Variants in PCED1B observed in about 807,000 individuals in gnomAD.
PCED1B encodes PC-esterase domain-containing protein 1B.
For synonymous variants in PCED1B, 251 were observed against 246.1 expected (o/e 1.02, Z -0.19); for missense variants, 573 against 573.9 (o/e 1.00, Z 0.02).
intron 3 of PCED1B, among the ~76,000 whole-genome samples, chr12:47,230,694 G>T (rs533578274): frequency 1.3e-5 from 2 of 152,008 alleles, no homozygotes; most frequent in Admixed American, 6.6e-5. Flanking sequence ...CACCTGCCTC[G>T]GCCTCTCAAA....
chr12:47,219,178 A>T (rs561126471), intron 3 of PCED1B, among the ~76,000 whole-genome samples: 3 of 152,280 alleles, frequency 2.0e-5, no homozygotes, highest in South Asian at 4.1e-4. Context: ...TTCCATAGAA[A>T]CACTATTACA....
chr12:47,157,168 A>T (rs1304866947), intron 2 of PCED1B, among the ~76,000 whole-genome samples: 1 of 152,186 alleles, frequency 6.6e-6, no homozygotes, highest in Non-Finnish European at 1.5e-5. Context: ...GTTTCTCTAT[A>T]TAATTTTTCC....
intron 2 of PCED1B, among the ~76,000 whole-genome samples, chr12:47,119,081 C>G (rs2137297590): frequency 6.6e-6 from 1 of 152,176 alleles, no homozygotes; most frequent in Admixed American, 6.5e-5. Context: ...GAAATAAATC[C>G]ACATGCCTAT....
intron 2 of PCED1B, among the ~76,000 whole-genome samples, chr12:47,151,136 T>TAC (rs112484470): frequency 6.0e-4 from 90 of 150,374 alleles, no homozygotes; most frequent in South Asian, 3.1e-3. Flanking sequence ...ATATAATATA[T>TAC]ACACACACAC....
chr12:47,117,806 T>TC (rs1157164984), intron 2 of PCED1B, among the ~76,000 whole-genome samples: 3 of 152,194 alleles, frequency 2.0e-5, no homozygotes, highest in Non-Finnish European at 2.9e-5. Context: ...TAGCTTATAG[T>TC]CCCACCAACA....
intron 2 of PCED1B, among the ~76,000 whole-genome samples, chr12:47,158,569 T>C (rs1941269794): frequency 6.6e-6 from 1 of 152,194 alleles, no homozygotes; most frequent in Admixed American, 6.5e-5. Context: ...ATCAGATATA[T>C]CATTTGCAAA....
intron 2 of PCED1B, chr12:47,210,196 G>A (rs989383609): frequency 2.0e-5 from 3 of 152,220 alleles, no homozygotes; most frequent in African/African-American, 7.2e-5. Context: ...TTTACTGTTA[G>A]CTATTTTTGT....
chr12:47,217,599 T>A (rs1432942483), intron 3 of PCED1B, among the ~76,000 whole-genome samples: 1 of 152,150 alleles, frequency 6.6e-6, no homozygotes, highest in Admixed American at 6.5e-5. Flanking sequence ...TTTTTTGTGA[T>A]GGAGTCTCAC....
intron 2 of PCED1B, among the ~76,000 whole-genome samples, chr12:47,181,763 C>T (rs1298087432): frequency 6.6e-6 from 1 of 151,464 alleles, no homozygotes; most frequent in East Asian, 1.9e-4. Flanking sequence ...TTTATCTCCT[C>T]TACTGAAAAA....
Position 47,235,623 on chromosome 12 carries a change from C to T in PCED1B, c.560C>T (p.Thr187Ile), listed in dbSNP as rs759651168. The T allele has an allele frequency of 1.8e-5, 29 of 1,610,202 alleles. No homozygotes were observed. Among genetic ancestry groups the T allele is most frequent in the Non-Finnish European group, 2.2e-5 (26 of 1,178,170 alleles). ...LPPKLRRQKA[T>I]FLKNEVVKAN... ...CCCAAGCTCCGGCGGCAGAAGGCCA[C>T]CTTCCTGAAAAACGAAGTGGTCAAA... Residue 187 changes from threonine (T) to isoleucine (I), a missense_variant, in exon 4 of 4, where the codon ACC becomes ATC. Physicochemically the swap from Thr to Ile is moderately conservative, Grantham distance 89. Coordinates refer to ENST00000546455, the MANE Select transcript of PCED1B (RefSeq NM_138371.3).
chr12:47,120,596 G>A (rs2137304496), intron 2 of PCED1B, among the ~76,000 whole-genome samples: 1 of 152,244 alleles, frequency 6.6e-6, no homozygotes, highest in African/African-American at 2.4e-5. Flanking sequence ...GGGGTCAGGA[G>A]TTCAAGACCA....
intron 2 of PCED1B, among the ~76,000 whole-genome samples, chr12:47,174,804 A>G (rs1941871065): frequency 6.6e-6 from 1 of 152,170 alleles, no homozygotes; most frequent in Non-Finnish European, 1.5e-5. Flanking sequence ...GAGAGATGCA[A>G]GTTCAAATCC....
chr12:47,095,012 T>A (rs1301774633), intron 1 of PCED1B, among the ~76,000 whole-genome samples: 1 of 150,534 alleles, frequency 6.6e-6, no homozygotes, highest in Non-Finnish European at 1.5e-5. Flanking sequence ...GCTCAAGCAA[T>A]CCTCCCACCT....
chr12:47,145,686 T>A (rs1028651951), intron 2 of PCED1B, among the ~76,000 whole-genome samples: 3 of 152,258 alleles, frequency 2.0e-5, no homozygotes, highest in African/African-American at 7.2e-5. Flanking sequence ...ACAACATATC[T>A]ATTTACAACA....
At chr12:47,129,720 C>A (rs1940044460) in intron 2 of PCED1B, among the ~76,000 whole-genome samples, 1 of 152,140 alleles carries the variant, frequency 6.6e-6, no homozygotes, top group Non-Finnish European at 1.5e-5. Flanking sequence ...ATTCCTAGTC[C>A]AATCACCTGT....
chr12:47,102,223 T>C (rs1292668412), intron 1 of PCED1B, among the ~76,000 whole-genome samples: 1 of 152,232 alleles, frequency 6.6e-6, no homozygotes, highest in Non-Finnish European at 1.5e-5. Context: ...AAAAGTCTGG[T>C]GAGCATGATT....
At chr12:47,139,777 C>T (rs1295027299) in intron 2 of PCED1B, among the ~76,000 whole-genome samples, 1 of 151,956 alleles carries the variant, frequency 6.6e-6, no homozygotes, top group Non-Finnish European at 1.5e-5. Flanking sequence ...GATATGTGTG[C>T]ATATGCTATG....
chr12:47,166,485 T>C (rs1371625813), intron 2 of PCED1B, among the ~76,000 whole-genome samples: 2 of 152,196 alleles, frequency 1.3e-5, no homozygotes, highest in East Asian at 1.9e-4. Flanking sequence ...TACAGAGGCA[T>C]AGAAACTTTT....
In PCED1B at chr12:47,236,106, T is replaced by C; in HGVS notation, c.1043T>C (p.Phe348Ser). The stretch of plus-strand genomic sequence containing the variant: ...GCCTGTTTTTCCTCAGACCATACTT[T>C]CCAGTCGGATCAATTCTATTGCCAT... The part of the protein sequence containing the change: ...PDACFSSDHT[F>S]QSDQFYCHSD... Residue 348 changes from phenylalanine to serine, a missense_variant, in exon 4 of 4, where the codon TTC (phenylalanine) becomes TCC (serine). Physicochemically the swap from Phe to Ser is radical, Grantham distance 155. Coordinates refer to ENST00000546455, the MANE Select transcript of PCED1B (RefSeq NM_138371.3). 6.2e-7 allele frequency: 1 copy of C among 1,614,108 alleles called. No individual in the cohort carries two copies. Among genetic ancestry groups the C allele is most frequent in the Non-Finnish European group, 8.5e-7 (1 of 1,180,016 alleles).
Sources: allele counts gnomAD v4.1 joint callset (sites outside exome capture counted in the v4.1 genomes callset), GRCh38; gene constraint gnomAD v4.1.1; transcripts MANE v1.5; gene names NCBI Gene and HGNC (gene_info 2026-07-23, HGNC 2026-07-21).